The following CEP78 variants were observed in gnomAD, a reference collection of about 807,000 sequenced individuals.
CEP78 encodes the protein centrosomal protein of 78 kDa.
Under a neutral mutation model 81.2 loss-of-function variants are expected in CEP78, and 76 were observed. The observed-to-expected ratio is 0.94, with a 90% CI of 0.78 to 1.13. The LOEUF (loss-of-function observed/expected upper bound fraction) is 1.13, where lower values mean the gene tolerates loss of function less well. Ranked by LOEUF, CEP78 falls within the 50% of genes most tolerant of loss-of-function variation. The probability of loss-of-function intolerance (pLI) is 0.00; values close to 1 mark genes in which losing one functional copy is unlikely to be tolerated. For synonymous variants in CEP78, 293 were observed against 301.4 expected (o/e 0.97, Z 0.29); for missense variants, 918 against 846.8 (o/e 1.08, Z -1.04).
intron 16 of CEP78, among the ~76,000 whole-genome samples, chr9:78,270,198 C>A (rs563725991): frequency 6.6e-6 from 1 of 151,880 alleles, no homozygotes; most frequent in East Asian, 1.9e-4. Flanking sequence ...ACCTGATAAC[C>A]CCAGTTTTCT....
chr9:78,246,544 G>A (rs572744232), intron 5 of CEP78, 125 bp from the exon 6 acceptor site: 2 of 518,686 alleles, frequency 3.9e-6, no homozygotes, highest in South Asian at 2.8e-5. Flanking sequence ...AGCTTGCAGT[G>A]AGCGGAGATA....
At chr9:78,252,251 A>C (rs1452078300) in intron 9 of CEP78, among the ~76,000 whole-genome samples, 1 of 152,224 alleles carries the variant, frequency 6.6e-6, no homozygotes, top group Non-Finnish European at 1.5e-5. Flanking sequence ...AGCAAGCTGT[A>C]TCCCTGTGGG....
In CEP78 at chr9:78,276,598, A is replaced by G. The variant is rs1827809416; in HGVS notation, c.*5747A>G. ...TAAGGAGGCTGTGCACAACACCAAC[A>G]CACCGGTATGAAAAGTGTGTACACC... On this transcript the variant is annotated 3_prime_UTR_variant, in exon 17 of 17. Transcript: ENST00000643273. 1 of 151,026 alleles carries G rather than the reference A, an allele frequency of 6.6e-6. No homozygotes were observed. The highest frequency in any genetic ancestry group is 1.9e-4 in the East Asian group (1 of 5,170). The allele number at this position is 151,026 out of a possible 1,614,324, so 9.4% of individuals were successfully genotyped here. A position where few individuals can be genotyped will look rare whatever the true frequency, so the allele number is the denominator to read the frequency against.
At position 78,236,446 on chromosome 9, in the gene CEP78, C is replaced by T. The variant is rs781069275; in HGVS notation, c.96C>T (p.Pro32=). 4.4e-6 allele frequency: 7 copies of T among 1,603,556 alleles called. No individual in the cohort carries two copies. The highest frequency in any genetic ancestry group is 1.3e-5 in the African/African-American group (1 of 74,894). The change falls in exon 1 of 17, where the codon CCC becomes CCT. Residue 32 remains proline (P), a synonymous_variant. Coordinates refer to ENST00000643273, the MANE Select transcript of CEP78 (RefSeq NM_001330691.3). ...CGCTGCAGAACTCGGTGCCGCTGCC[C>T]GCCGTGCGCGCCTGTCTCCGGGAGG... ...LCALQNSVPL[P]AVRACLREGV... is the part of the protein sequence containing the mutation.
intron 1 of CEP78, 58 bp from the exon 2 acceptor site, chr9:78,239,965 T>A: frequency 7.1e-7 from 1 of 1,399,832 alleles, no homozygotes; most frequent in Non-Finnish European, 9.7e-7. Context: ...AGAGCAGATG[T>A]TTTTGAATGA....
intron 10 of CEP78, among the ~76,000 whole-genome samples, chr9:78,254,153 G>A (rs1041061494): frequency 1.3e-5 from 2 of 152,118 alleles, no homozygotes; most frequent in African/African-American, 2.4e-5. Flanking sequence ...AGTAGTTTTG[G>A]CTTAAGAATG....
intron 8 of CEP78, chr9:78,250,451 A>G (rs1336739003): frequency 4.5e-5 from 16 of 357,678 alleles, no homozygotes; most frequent in South Asian, 1.5e-4. Flanking sequence ...TAAAATTTAT[A>G]TTTGCGGCCG....
intron 1 of CEP78, among the ~76,000 whole-genome samples, chr9:78,238,596 TGTC>T (rs141268689): frequency 0.017 from 2,546 of 152,306 alleles, 60 homozygotes; most frequent in African/African-American, 0.057. Flanking sequence ...CCTGACCACT[TGTC>T]GTGTGCCCGG....
At chr9:78,257,158 A>G (rs1459147316) in intron 11 of CEP78, among the ~76,000 whole-genome samples, 3 of 152,202 alleles carry the variant, frequency 2.0e-5, no homozygotes, top group African/African-American at 4.8e-5. Context: ...GTAAGTAGAC[A>G]GTCTTCACTG....
At position 78,274,956 on chromosome 9, in the gene CEP78, G is replaced by C. The variant is rs1278510126; in HGVS notation, c.*4105G>C. ...AAACCAAAAGAAAGGTGAGGAATTG[G>C]TAAAAGCAGAAATGAATAAAATAGC... On this transcript the variant is annotated 3_prime_UTR_variant, in exon 17 of 17. Transcript: ENST00000643273. 2 of 152,014 alleles carry C rather than the reference G, an allele frequency of 1.3e-5. No homozygotes were observed. Among genetic ancestry groups the C allele is most frequent in the East Asian group, 3.9e-4 (2 of 5,194 alleles). The allele number at this position is 152,014 out of a possible 1,614,324, so 9.4% of individuals were successfully genotyped here. A position where few individuals can be genotyped will look rare whatever the true frequency, so the allele number is the denominator to read the frequency against.
chr9:78,241,987 TTAGAAA>T (rs1389258101), intron 4 of CEP78, among the ~76,000 whole-genome samples, 188 bp downstream of exon 4: 1 of 152,228 alleles, frequency 6.6e-6, no homozygotes, highest in Non-Finnish European at 1.5e-5. Flanking sequence ...ATGCTTAATC[TTAGAAA>T]TAGAAGACCT....
In CEP78 at chr9:78,273,258, CAT is replaced by C. The variant is rs1827733051; in HGVS notation, c.*2409_*2410del. 6.6e-6 allele frequency: 1 copy of C among 152,098 alleles called. No individual in the cohort carries two copies. The highest frequency in any genetic ancestry group is 1.5e-5 in the Non-Finnish European group (1 of 68,022). 9.4% of individuals were successfully genotyped at this position (152,098 alleles called of 1,614,324 possible). The stretch of plus-strand genomic sequence containing the variant: ...CTATTTGCAAAATCTAAAACGCTGT[CAT>C]AGATTATAAAGAGATGAACAAAAAT... On this transcript the variant is annotated 3_prime_UTR_variant, in exon 17 of 17. Transcript: ENST00000643273.
chr9:78,256,160 A>G (rs1293482793), intron 11 of CEP78, among the ~76,000 whole-genome samples: 1 of 152,254 alleles, frequency 6.6e-6, no homozygotes, highest in Non-Finnish European at 1.5e-5. Flanking sequence ...GAGGAAAACC[A>G]TCGCCTAGAA....
chr9:78,243,849 T>G (rs1483736718), intron 5 of CEP78, among the ~76,000 whole-genome samples: 2 of 151,196 alleles, frequency 1.3e-5, no homozygotes, highest in African/African-American at 4.8e-5. Context: ...ATAATCTCAA[T>G]GCCTAGAGAT....
intron 1 of CEP78, 64 bp downstream of exon 1, chr9:78,236,667 G>T (rs1825958668): frequency 6.7e-7 from 1 of 1,500,974 alleles, no homozygotes; most frequent in Non-Finnish European, 8.9e-7. Context: ...TAGGTGAGTG[G>T]TGTCCATTGT....
chr9:78,269,235 G>A (rs951292249), intron 16 of CEP78, among the ~76,000 whole-genome samples: 2 of 152,112 alleles, frequency 1.3e-5, no homozygotes, highest in African/African-American at 4.8e-5. Flanking sequence ...TGGGAAGTAA[G>A]GAAAAAAGAG....
intron 16 of CEP78, among the ~76,000 whole-genome samples, chr9:78,267,549 C>A (rs1245437501): frequency 6.6e-6 from 1 of 152,056 alleles, no homozygotes; most frequent in Non-Finnish European, 1.5e-5. Flanking sequence ...GATGAGGTGT[C>A]TAAGGAGACA....
At chr9:78,252,425 G>A (rs984393867) in intron 9 of CEP78, among the ~76,000 whole-genome samples, 15 of 152,204 alleles carry the variant, frequency 9.9e-5, no homozygotes, top group African/African-American at 3.6e-4. Flanking sequence ...AATGCAAAAT[G>A]ATAGGAAGTG....
chr9:78,262,860 T>A (rs926308858), intron 11 of CEP78, 47 bp from the exon 12 acceptor site: 13 of 1,181,034 alleles, frequency 1.1e-5, no homozygotes, highest in Admixed American at 4.9e-5. Flanking sequence ...GTTTTGGGGA[T>A]CATATTGGGA....
Sources: gnomAD v4.1 joint callset for allele counts (sites outside exome capture counted in the v4.1 genomes callset) on GRCh38, gnomAD v4.1.1 for gene constraint, MANE v1.5 for transcripts, NCBI Gene and HGNC (gene_info 2026-07-23, HGNC 2026-07-21) for gene names.